Variants in NT5E observed in about 807,000 individuals in gnomAD.
NT5E encodes the protein 5'-nucleotidase ecto.
In NT5E, 53 loss-of-function variants were observed where a neutral mutation model predicts 55.1. The observed-to-expected ratio is 0.96, with a 90% CI of 0.77 to 1.21. The LOEUF is 1.21. Among genes scored for constraint, NT5E ranks in the 50% most tolerant of loss-of-function variants. The pLI is 0.00. For missense variants in NT5E, 683 were observed against 724.3 expected (o/e 0.94, Z 0.65); for synonymous variants, 270 against 278.4 (o/e 0.97, Z 0.30).
chr6:85,484,039 G>A (rs1769600637), intron 3 of NT5E, among the ~76,000 whole-genome samples: 1 of 152,146 alleles, frequency 6.6e-6, no homozygotes, highest in Non-Finnish European at 1.5e-5. Context: ...ACAGATAATA[G>A]AGGACCTGCC....
chr6:85,462,628 G>A (rs1299932832), intron 1 of NT5E, among the ~76,000 whole-genome samples: 1 of 152,176 alleles, frequency 6.6e-6, no homozygotes, highest in Non-Finnish European at 1.5e-5. Context: ...TGTGACACCA[G>A]GTGAGCTCTG....
rs114622765 is a variant in NT5E at position 85,465,147 on chromosome 6, G to A, written c.340-1913G>A. 4.6e-3 allele frequency among the ~76,000 whole-genome samples: 707 copies of A among 152,246 alleles called. 2 individuals are homozygous for A. The highest frequency in any genetic ancestry group is 0.016 in the African/African-American group (674 of 41,514). ...TGAATAAGGGGCTCCTCTCCCCATGGGGCAAGAGAGGTGAAAAGACAGTCA... is the reference window on the plus strand; with the variant it reads ...TGAATAAGGGGCTCCTCTCCCCATGAGGCAAGAGAGGTGAAAAGACAGTCA... On this transcript the variant is annotated intron_variant, in intron 1 of 8. Coordinates refer to ENST00000257770, the MANE Select transcript of NT5E (RefSeq NM_002526.4).
chr6:85,476,898 T>TG (rs796205200), intron 3 of NT5E, among the ~76,000 whole-genome samples: 144 of 151,946 alleles, frequency 9.5e-4, no homozygotes, highest in African/African-American at 3.5e-3. Context: ...GGGGACAGGA[T>TG]GGGGGGCAGG....
chr6:85,477,726 G>A (rs1582380946), intron 3 of NT5E, among the ~76,000 whole-genome samples: 1 of 152,306 alleles, frequency 6.6e-6, no homozygotes, highest in East Asian at 1.9e-4. Flanking sequence ...ACATTCACAA[G>A]ACAGGGAAAC....
intron 1 of NT5E, among the ~76,000 whole-genome samples, chr6:85,452,263 G>A (rs1437367037): frequency 1.3e-5 from 2 of 152,134 alleles, no homozygotes; most frequent in Non-Finnish European, 2.9e-5. Flanking sequence ...TTTACTTTTT[G>A]TGACACTCTT....
intron 1 of NT5E, among the ~76,000 whole-genome samples, chr6:85,453,284 G>A (rs1768925174): frequency 6.6e-6 from 1 of 152,158 alleles, no homozygotes; most frequent in Non-Finnish European, 1.5e-5. Flanking sequence ...AAACAGGAGT[G>A]ATAACCCCCA....
chr6:85,464,086 T>TG (rs2127755828), intron 1 of NT5E, among the ~76,000 whole-genome samples: 1 of 150,064 alleles, frequency 6.7e-6, no homozygotes, highest in East Asian at 1.9e-4. Flanking sequence ...TTTTTTTTTT[T>TG]TTTTTTTAGT....
At chr6:85,478,002 G>A (rs1402721698) in intron 3 of NT5E, among the ~76,000 whole-genome samples, 4 of 149,682 alleles carry the variant, frequency 2.7e-5, no homozygotes, top group Admixed American at 6.7e-5. Flanking sequence ...ACTCCAGCCA[G>A]TGTGACAGAG....
chr6:85,485,475 G>T, intron 4 of NT5E, 43 bp downstream of exon 4: 1 of 1,584,398 alleles, frequency 6.3e-7, no homozygotes, highest in Non-Finnish European at 8.7e-7. Flanking sequence ...CTAAAATTTA[G>T]ATGGCTGGAT....
chr6:85,452,351 C>G (rs1053845246), intron 1 of NT5E, among the ~76,000 whole-genome samples: 3 of 152,092 alleles, frequency 2.0e-5, no homozygotes, highest in Non-Finnish European at 4.4e-5. Context: ...TAATATTTCC[C>G]TCTTGTAAGT....
Position 85,492,012 on chromosome 6 carries a change from G to A in NT5E, c.1396G>A (p.Gly466Arg). ...GGTGTATGATCTTTCCCGAAAACCT[G>A]GAGACAGAGTAGTCAAATTAGATGT... is the stretch of plus-strand genomic sequence containing the variant. ...HVVYDLSRKPGDRVVKLDVLC... is the reference protein window; with the variant it reads ...HVVYDLSRKPRDRVVKLDVLC... The change falls in exon 8 of 9, where the codon GGA becomes AGA. Residue 466 changes from glycine to arginine, a missense_variant. Gly to Arg is a moderately radical substitution (Grantham distance 125). Transcript: ENST00000257770. 6.2e-7 allele frequency: 1 copy of A among 1,614,144 alleles called. No homozygotes were observed. The highest frequency in any genetic ancestry group is 8.5e-7 in the Non-Finnish European group (1 of 1,180,000).
chr6:85,476,460 C>T (rs1769438673), intron 3 of NT5E, among the ~76,000 whole-genome samples: 1 of 152,170 alleles, frequency 6.6e-6, no homozygotes, highest in African/African-American at 2.4e-5. Flanking sequence ...CTGTGCGGCC[C>T]CGCAGCAGCA....
At position 85,490,612 on chromosome 6, in the gene NT5E, G is replaced by A. The variant is rs781684532; in HGVS notation, c.1315G>A (p.Val439Met). The A allele has an allele frequency of 8.7e-6, 14 of 1,614,054 alleles. No individual in the cohort carries two copies. Among genetic ancestry groups the A allele is most frequent in the South Asian group, 2.2e-5 (2 of 91,082 alleles). ...STLKKAFEHS[V>M]HRYGQSTGEF... ...CCTGAAGAAGGCCTTTGAGCATAGC[G>A]TGCACCGCTACGGCCAGTCCACTGG... The change falls in exon 7 of 9, where the codon GTG becomes ATG. Residue 439 changes from valine (V) to methionine (M), a missense_variant. Val to Met is a conservative substitution (Grantham distance 21). Transcript: ENST00000257770.
intron 4 of NT5E, 82 bp downstream of exon 4, chr6:85,485,514 A>T: frequency 7.4e-7 from 1 of 1,348,626 alleles, no homozygotes; most frequent in Non-Finnish European, 1.1e-6. Flanking sequence ...TTTTTCCTTT[A>T]ATGTTTCAGG....
intron 4 of NT5E, among the ~76,000 whole-genome samples, chr6:85,486,345 A>C (rs1176126882): frequency 6.6e-6 from 1 of 152,232 alleles, no homozygotes; most frequent in Admixed American, 6.5e-5. Flanking sequence ...CTGGTTACAA[A>C]TAATCCATGG....
chr6:85,466,193 C>G (rs1360418161), intron 1 of NT5E, among the ~76,000 whole-genome samples: 2 of 152,072 alleles, frequency 1.3e-5, no homozygotes, highest in Non-Finnish European at 2.9e-5. Context: ...CAACTCACTA[C>G]GGGGAGCTGC....
At position 85,494,216 on chromosome 6, in the gene NT5E, T is replaced by G; in HGVS notation, c.*212T>G. 1.8e-6 allele frequency: 1 copy of G among 564,278 alleles called. No individual in the cohort carries two copies. Among genetic ancestry groups the G allele is most frequent in the Non-Finnish European group, 3.1e-6 (1 of 319,720 alleles). The allele number at this position is 564,278 out of a possible 1,614,324, so 35.0% of individuals were successfully genotyped here. ...GAAAAAAAATTAACATAGGGCCCTA[T>G]AAGGAGAAAGCCAACTATGTTAAGT... On this transcript the variant is annotated 3_prime_UTR_variant, in exon 9 of 9. Coordinates refer to ENST00000257770, the MANE Select transcript of NT5E (RefSeq NM_002526.4).
At chr6:85,462,758 A>C (rs1769121206) in intron 1 of NT5E, among the ~76,000 whole-genome samples, 1 of 152,210 alleles carries the variant, frequency 6.6e-6, no homozygotes, top group African/African-American at 2.4e-5. Context: ...ACTTTTCAGA[A>C]GTCAGGATTT....
intron 1 of NT5E, among the ~76,000 whole-genome samples, chr6:85,457,666 T>G (rs1408571439): frequency 6.6e-6 from 1 of 152,144 alleles, no homozygotes; most frequent in Non-Finnish European, 1.5e-5. Flanking sequence ...AATGATGGCC[T>G]GGGGAATGGG....
Sources: gnomAD v4.1 joint callset for allele counts (sites outside exome capture counted in the v4.1 genomes callset) on GRCh38, gnomAD v4.1.1 for gene constraint, MANE v1.5 for transcripts, NCBI Gene and HGNC (gene_info 2026-07-23, HGNC 2026-07-21) for gene names.